The following ADGRV1 variants were observed in gnomAD, a reference collection of about 807,000 sequenced individuals.
The protein encoded by ADGRV1 is adhesion G protein-coupled receptor V1, also known as G-protein coupled receptor 98.
Under a neutral mutation model 596.2 loss-of-function variants are expected in ADGRV1, and 359 were observed. The observed-to-expected ratio is 0.60, with a 90% CI of 0.55 to 0.66. The LOEUF is 0.66. Among genes scored for constraint, ADGRV1 ranks in the 30% least tolerant of loss-of-function variants. The pLI is 0.00. For synonymous variants in ADGRV1, 2,681 were observed against 2,679.2 expected, an observed-to-expected ratio of 1.00 and a Z score of -0.02; for missense variants, 7,274 against 7,575.6, an observed-to-expected ratio of 0.96 and a Z score of 1.48.
At chr5:90,871,442 C>G (rs757708685) in intron 83 of ADGRV1, among the ~76,000 whole-genome samples, 1 of 152,104 alleles carries the variant, frequency 6.6e-6, no homozygotes, top group Non-Finnish European at 1.5e-5. Flanking sequence ...TAAGTGGACA[C>G]TAAAGATACA....
intron 86 of ADGRV1, among the ~76,000 whole-genome samples, chr5:91,097,675 T>C (rs1160905209): frequency 6.6e-6 from 1 of 152,202 alleles, no homozygotes; most frequent in Non-Finnish European, 1.5e-5. Flanking sequence ...AGTTGTGCCA[T>C]TTTACATCTC....
At chr5:91,007,989 C>G (rs1782418152) in intron 85 of ADGRV1, among the ~76,000 whole-genome samples, 1 of 152,020 alleles carries the variant, frequency 6.6e-6, no homozygotes, top group South Asian at 2.1e-4. Context: ...GGTTATTATT[C>G]TATGTTATTC....
intron 50 of ADGRV1, 63 bp downstream of exon 50, chr5:90,729,827 T>G: frequency 2.0e-6 from 3 of 1,528,094 alleles, no homozygotes; most frequent in Non-Finnish European, 2.7e-6. Context: ...ATGATTTTAA[T>G]CTCATTGATT....
intron 79 of ADGRV1, among the ~76,000 whole-genome samples, chr5:90,851,093 G>A (rs1396189957): frequency 6.9e-6 from 1 of 144,720 alleles, no homozygotes; most frequent in African/African-American, 2.5e-5. Flanking sequence ...CATGGAGTAA[G>A]CTAGGTAGGG....
intron 85 of ADGRV1, among the ~76,000 whole-genome samples, chr5:91,036,391 C>G (rs1345925285): frequency 2.0e-5 from 3 of 151,866 alleles, no homozygotes; most frequent in African/African-American, 7.3e-5. Flanking sequence ...AACCCTGTCT[C>G]TACTAAAAAT....
chr5:90,874,562 AT>A (rs1209427196), intron 83 of ADGRV1, among the ~76,000 whole-genome samples: 1 of 151,944 alleles, frequency 6.6e-6, no homozygotes, highest in Non-Finnish European at 1.5e-5. Context: ...TAGATTTTCA[AT>A]TTAAAAAACT....
chr5:90,788,339 A>AT, intron 68 of ADGRV1, 29 bp downstream of exon 68: 1 of 1,568,994 alleles, frequency 6.4e-7, no homozygotes, highest in Non-Finnish European at 8.7e-7. Flanking sequence ...TTCTCACAAA[A>AT]TGTGGATTTC....
At chr5:90,658,367 T>G (rs11958484) in intron 21 of ADGRV1, 89 bp downstream of exon 21, 2 of 1,254,624 alleles carry the variant, frequency 1.6e-6, no homozygotes, top group African/African-American at 1.5e-5. Flanking sequence ...TTGGTAAGAT[T>G]GGTTGCGCAT....
chr5:90,696,936 G>A lies in ADGRV1; in HGVS notation c.7946-1G>A. ...TTTTTATTCCATTGATGTTTTTATAGGTGAAACCAAAAAGACAGTCATTTT... is the reference window on the plus strand; with the variant it reads ...TTTTTATTCCATTGATGTTTTTATAAGTGAAACCAAAAAGACAGTCATTTT... On this transcript the variant is annotated splice_acceptor_variant, in intron 33 of 89. Coordinates refer to ENST00000405460, the MANE Select transcript of ADGRV1 (RefSeq NM_032119.4). LOFTEE classifies it high-confidence loss of function. The A allele has an allele frequency of 2.5e-6, 4 of 1,607,170 alleles. No individual in the cohort carries two copies. The highest frequency in any genetic ancestry group is 3.4e-6 in the Non-Finnish European group (4 of 1,175,462).
rs139278305 is a variant in ADGRV1 at position 90,694,707 on chromosome 5, C to A, written c.7945+6C>A. On this transcript the variant is annotated splice_donor_region_variant and intron_variant, in intron 33 of 89. Transcript: ENST00000405460. The stretch of plus-strand genomic sequence containing the variant: ...GATTCTGACCTTTGCTGAAGGTGAG[C>A]AATGGTTCTAAATGAATTTCCGTTG... 11 of 1,554,748 alleles carry A rather than the reference C, an allele frequency of 7.1e-6. 1 individual carries two copies. In the South Asian group the frequency reaches 1.4e-4, roughly 19 times the overall value.
rs758382497 is a variant in ADGRV1 at position 90,674,273 on chromosome 5, T to A, written c.5110+39T>A. The A allele has an allele frequency of 2.7e-6, 4 of 1,481,068 alleles. No homozygotes were observed. The East Asian group carries it at 7.0e-5, about 26-fold the overall frequency. The allele number at this position is 1,481,068 out of a possible 1,614,324, so 91.7% of individuals were successfully genotyped here. ...TTTGCAAGAAAAATCCTCTCTTCTC[T>A]GGGTGTACTTAGTTTTGTTAAGAAC... On this transcript the variant is annotated intron_variant, in intron 23 of 89. Coordinates refer to ENST00000405460, the MANE Select transcript of ADGRV1 (RefSeq NM_032119.4).
At chr5:90,983,663 G>GA (rs913593174) in intron 84 of ADGRV1, among the ~76,000 whole-genome samples, 6 of 150,062 alleles carry the variant, frequency 4.0e-5, no homozygotes, top group African/African-American at 9.8e-5. Context: ...ATTATAGAAA[G>GA]AAAAAAAAAG....
At chr5:90,815,822 G>A in intron 75 of ADGRV1, 86 bp downstream of exon 75, 1 of 787,252 alleles carries the variant, frequency 1.3e-6, no homozygotes, top group Non-Finnish European at 2.1e-6. Context: ...GTGGAGGGCA[G>A]GGTAAGATAG....
At chr5:91,143,190 C>A (rs1182597482) in intron 87 of ADGRV1, among the ~76,000 whole-genome samples, 1 of 152,202 alleles carries the variant, frequency 6.6e-6, no homozygotes, top group Non-Finnish European at 1.5e-5. Flanking sequence ...AATGCCAGGA[C>A]CTGCAGAGCC....
intron 87 of ADGRV1, among the ~76,000 whole-genome samples, chr5:91,140,904 G>A (rs966897316): frequency 2.6e-5 from 4 of 152,118 alleles, no homozygotes; most frequent in African/African-American, 9.7e-5. Flanking sequence ...CTGTAAAATA[G>A]GCTCAAAAGG....
chr5:90,971,280 G>A (rs1466371881), intron 84 of ADGRV1, among the ~76,000 whole-genome samples: 1 of 152,174 alleles, frequency 6.6e-6, no homozygotes, highest in Non-Finnish European at 1.5e-5. Context: ...CACTTTGCAG[G>A]ATATTATCCA....
At chr5:90,664,522 G>A (rs1461394796) in intron 21 of ADGRV1, among the ~76,000 whole-genome samples, 14 of 142,776 alleles carry the variant, frequency 9.8e-5, no homozygotes, top group Admixed American at 2.2e-4. Context: ...GGCTGAGACA[G>A]TGGGGTTTTC....
intron 34 of ADGRV1, among the ~76,000 whole-genome samples, chr5:90,699,627 G>A (rs141768559): frequency 2.0e-3 from 307 of 152,190 alleles, no homozygotes; most frequent in African/African-American, 7.0e-3. Flanking sequence ...TAACTGTAGG[G>A]CCACTAATGT....
At chr5:90,596,046 G>A (rs1261160725) in intron 1 of ADGRV1, among the ~76,000 whole-genome samples, 8 of 148,676 alleles carry the variant, frequency 5.4e-5, no homozygotes, top group Admixed American at 1.3e-4. Context: ...GGTGGCTGCC[G>A]GGCGGAGGGT....
Sources: allele counts gnomAD v4.1 joint callset (sites outside exome capture counted in the v4.1 genomes callset), GRCh38; gene constraint gnomAD v4.1.1; transcripts MANE v1.5; gene names NCBI Gene and HGNC (gene_info 2026-07-23, HGNC 2026-07-21).